Variants in ASCC1 observed in about 807,000 individuals in gnomAD.
The protein encoded by ASCC1 is ASC-1 complex subunit P50.
ASCC1 carries 35 observed loss-of-function variants against 46.6 expected under a neutral mutation model. That is an observed-to-expected ratio of 0.75 (90% CI 0.57 to 0.99). ASCC1 has a LOEUF of 0.99. Among genes scored for constraint, ASCC1 ranks in the 50% least tolerant of loss-of-function variants. The pLI is 0.00. For missense variants in ASCC1, 376 were observed against 428.7 expected (o/e 0.88, Z 1.09); for synonymous variants, 143 against 146.6 (o/e 0.98, Z 0.18).
intron 7 of ASCC1, among the ~76,000 whole-genome samples, chr10:72,148,383 T>C (rs1307528361): frequency 2.6e-5 from 4 of 152,340 alleles, no homozygotes; most frequent in African/African-American, 7.2e-5. Context: ...GCTGTCTGAA[T>C]TGTGAGCTGA....
At chr10:72,133,017 G>T (rs377549482) in intron 8 of ASCC1, 40 bp downstream of exon 8, 1 of 1,613,210 alleles carries the variant, frequency 6.2e-7, no homozygotes, top group African/African-American at 1.3e-5. Context: ...CCACAAGGCC[G>T]CTGATCACAA....
chr10:72,147,036 G>C (rs1269515237), intron 7 of ASCC1, among the ~76,000 whole-genome samples: 1 of 150,910 alleles, frequency 6.6e-6, no homozygotes, highest in African/African-American at 2.4e-5. Context: ...GAGGCATTCA[G>C]ATAGTTTTTT....
rs1297162271 is a variant in ASCC1 at position 72,178,103 on chromosome 10, G to C, written c.490-16429C>G. 2.0e-5 allele frequency among the ~76,000 whole-genome samples: 3 copies of C among 152,192 alleles called. No individual in the cohort carries two copies. In the East Asian group the frequency reaches 5.8e-4, roughly 29 times the overall value. Reference sequence around the variant, plus strand: ...AACAAAGAGGAAAAAGAGGCTGACTGTTTTAAAGGAAGAAAGAATTATGTT... The same window carrying C: ...AACAAAGAGGAAAAAGAGGCTGACTCTTTTAAAGGAAGAAAGAATTATGTT... On this transcript the variant is annotated intron_variant, in intron 5 of 9. Coordinates refer to ENST00000672957, the MANE Select transcript of ASCC1 (RefSeq NM_001198800.3).
At chr10:72,158,443 C>CG (rs1849249245) in intron 6 of ASCC1, among the ~76,000 whole-genome samples, 1 of 152,214 alleles carries the variant, frequency 6.6e-6, no homozygotes, top group Non-Finnish European at 1.5e-5. Flanking sequence ...AGCCAGTGCA[C>CG]GGTCTGTGTC....
intron 4 of ASCC1, among the ~76,000 whole-genome samples, chr10:72,202,728 T>C (rs1464374651): frequency 1.3e-5 from 2 of 152,162 alleles, no homozygotes; most frequent in African/African-American, 4.8e-5. Flanking sequence ...GGTAAAAAAT[T>C]GAGAGCACAA....
intron 9 of ASCC1, among the ~76,000 whole-genome samples, chr10:72,125,012 T>A (rs1319993971): frequency 6.6e-6 from 1 of 152,194 alleles, no homozygotes; most frequent in African/African-American, 2.4e-5. Context: ...ATATTACAGC[T>A]GCAACAACTC....
chr10:72,117,724 A>T (rs549531770), intron 9 of ASCC1, among the ~76,000 whole-genome samples: 2 of 152,246 alleles, frequency 1.3e-5, no homozygotes, highest in South Asian at 4.1e-4. Flanking sequence ...TGTCAAGAAT[A>T]ATGTCATTGC....
chr10:72,148,749 A>G (rs988587283), intron 7 of ASCC1, among the ~76,000 whole-genome samples: 1 of 152,214 alleles, frequency 6.6e-6, no homozygotes, highest in African/African-American at 2.4e-5. Context: ...AAAACCATGC[A>G]TGGGTTAAAG....
chr10:72,135,429 G>A (rs1471334862), intron 7 of ASCC1, among the ~76,000 whole-genome samples: 3 of 152,146 alleles, frequency 2.0e-5, no homozygotes, highest in African/African-American at 7.2e-5. Flanking sequence ...GAGACCTGAG[G>A]GAAAAGCATT....
intron 4 of ASCC1, among the ~76,000 whole-genome samples, chr10:72,201,799 G>A (rs1260430859): frequency 6.6e-6 from 1 of 152,088 alleles, no homozygotes; most frequent in Non-Finnish European, 1.5e-5. Context: ...AATTAGCCAG[G>A]TGTGGTGGCG....
chr10:72,167,265 T>C (rs1017494901), intron 5 of ASCC1, among the ~76,000 whole-genome samples: 1 of 152,110 alleles, frequency 6.6e-6, no homozygotes. Context: ...TGCAACACTA[T>C]TCGGAAATCA....
intron 6 of ASCC1, among the ~76,000 whole-genome samples, chr10:72,156,691 G>C (rs964204548): frequency 6.6e-6 from 1 of 150,500 alleles, no homozygotes; most frequent in Non-Finnish European, 1.5e-5. Context: ...AGAATGGCGC[G>C]AACCCAGGGG....
chr10:72,173,287 T>C (rs549237240), intron 5 of ASCC1, among the ~76,000 whole-genome samples: 9 of 152,150 alleles, frequency 5.9e-5, no homozygotes, highest in Non-Finnish European at 1.2e-4. Flanking sequence ...CAACTTTCTC[T>C]TGCATAAATT....
intron 4 of ASCC1, chr10:72,198,539 C>CT (rs1855990890): frequency 1.5e-5 from 7 of 455,578 alleles, no homozygotes; most frequent in South Asian, 1.1e-4. Context: ...TACTGAAACT[C>CT]TGTCTCTACA....
chr10:72,166,956 G>A (rs1201472622), intron 5 of ASCC1, among the ~76,000 whole-genome samples: 3 of 151,086 alleles, frequency 2.0e-5, no homozygotes, highest in Admixed American at 1.3e-4. Context: ...ATGAGGATAT[G>A]GAAAAACCGA....
intron 9 of ASCC1, among the ~76,000 whole-genome samples, chr10:72,099,550 G>A (rs1278828925): frequency 2.0e-5 from 3 of 152,218 alleles, no homozygotes; most frequent in Admixed American, 1.3e-4. Flanking sequence ...GCCAGGCGCG[G>A]TGACTCATGC....
In ASCC1 at chr10:72,153,678, A is replaced by C. The variant is rs969831455; in HGVS notation, c.627-690T>G. Among the ~76,000 whole-genome samples the C allele has an allele frequency of 4.0e-5, 6 of 151,872 alleles. No homozygotes were observed. The East Asian group carries it at 1.2e-3, about 29-fold the overall frequency. On this transcript the variant is annotated intron_variant, in intron 6 of 9. Coordinates refer to ENST00000672957, the MANE Select transcript of ASCC1 (RefSeq NM_001198800.3). Reference sequence around the variant, plus strand: ...CCTGACCTCGTGATCTGCCCGCCTCAGCCTCCCAAAGTGCTGGGATTACAG... The same window carrying C: ...CCTGACCTCGTGATCTGCCCGCCTCCGCCTCCCAAAGTGCTGGGATTACAG...
chr10:72,149,231 G>T (rs542575743), intron 7 of ASCC1, among the ~76,000 whole-genome samples: 15 of 151,912 alleles, frequency 9.9e-5, no homozygotes, highest in Admixed American at 9.8e-4. Context: ...AAGGTCAGGA[G>T]ATCAAGACCA....
chr10:72,209,738 C>T (rs960981220), intron 3 of ASCC1, among the ~76,000 whole-genome samples: 1 of 152,146 alleles, frequency 6.6e-6, no homozygotes, highest in Admixed American at 6.6e-5. Context: ...GAGCCAAGAT[C>T]GTCCCATTGC....
Sources: gnomAD v4.1 joint callset for allele counts (sites outside exome capture counted in the v4.1 genomes callset) on GRCh38, gnomAD v4.1.1 for gene constraint, MANE v1.5 for transcripts, NCBI Gene and HGNC (gene_info 2026-07-23, HGNC 2026-07-21) for gene names.